The following HDLBP variants were observed in gnomAD, a reference collection of about 807,000 sequenced individuals.
HDLBP encodes the protein high density lipoprotein binding protein.
In HDLBP, 30 loss-of-function variants were observed where a neutral mutation model predicts 137.3. The ratio of observed to expected loss-of-function variants is 0.22; its 90% confidence interval spans 0.16 to 0.30. HDLBP has a LOEUF of 0.30. HDLBP is among the 10% of genes least tolerant of loss of function. The pLI is 1.00. For synonymous variants in HDLBP, 606 were observed against 596.0 expected (o/e 1.02, Z -0.24); for missense variants, 1,119 against 1,667.3 (o/e 0.67, Z 5.73).
At chr2:241,244,396 G>A (rs1441328947) in intron 16 of HDLBP, among the ~76,000 whole-genome samples, 1 of 152,180 alleles carries the variant, frequency 6.6e-6, no homozygotes, top group Non-Finnish European at 1.5e-5. Flanking sequence ...ACTACACAGA[G>A]ACACATCCTA....
chr2:241,243,355 G>C (rs1286661890), intron 16 of HDLBP, among the ~76,000 whole-genome samples: 2 of 152,252 alleles, frequency 1.3e-5, no homozygotes, highest in African/African-American at 2.4e-5. Flanking sequence ...TCCCCAGAAG[G>C]ATCACAGGAA....
At chr2:241,251,608 C>A (rs1451429570) in intron 11 of HDLBP, among the ~76,000 whole-genome samples, 1 of 152,238 alleles carries the variant, frequency 6.6e-6, no homozygotes, top group African/African-American at 2.4e-5. Flanking sequence ...AGGTAACACA[C>A]GCGACGTGTG....
intron 2 of HDLBP, 63 bp downstream of exon 2, chr2:241,268,414 C>A: frequency 1.0e-6 from 1 of 963,478 alleles, no homozygotes; most frequent in Non-Finnish European, 1.2e-6. Flanking sequence ...AATACGCATC[C>A]CTGCGCCCCC....
At chr2:241,282,616 C>T (rs1442443916) in intron 1 of HDLBP, among the ~76,000 whole-genome samples, 3 of 152,236 alleles carry the variant, frequency 2.0e-5, no homozygotes. Flanking sequence ...TCTTTTCCAA[C>T]AGCACATTTT....
chr2:241,307,097 G>A (rs4497871), intron 1 of HDLBP, among the ~76,000 whole-genome samples: 39 of 151,500 alleles, frequency 2.6e-4, no homozygotes, highest in African/African-American at 9.5e-4. Context: ...CAGGGGGGCA[G>A]TGTCATCCTA....
intron 1 of HDLBP, among the ~76,000 whole-genome samples, chr2:241,302,308 C>T (rs893630813): frequency 6.6e-6 from 1 of 152,096 alleles, no homozygotes; most frequent in African/African-American, 2.4e-5. Flanking sequence ...AATCCCAGCA[C>T]TTTGCACTTT....
At chr2:241,277,969 A>C (rs565956241) in intron 1 of HDLBP, among the ~76,000 whole-genome samples, 41 of 152,270 alleles carry the variant, frequency 2.7e-4, no homozygotes, top group African/African-American at 9.1e-4. Context: ...CTCAAAAAAA[A>C]CCAAAAAACA....
chr2:241,246,263 A>G (rs2071667006), intron 16 of HDLBP, among the ~76,000 whole-genome samples: 1 of 148,126 alleles, frequency 6.8e-6, no homozygotes, highest in Non-Finnish European at 1.5e-5. Flanking sequence ...GCCTGGGGAT[A>G]GAAGTGGGGG....
At chr2:241,282,650 C>A (rs992004128) in intron 1 of HDLBP, among the ~76,000 whole-genome samples, 2 of 152,158 alleles carry the variant, frequency 1.3e-5, no homozygotes, top group Admixed American at 1.3e-4. Flanking sequence ...ATATTTCAAA[C>A]GTTTTCATTG....
chr2:241,313,171 CAT>C (rs2149733262), intron 1 of HDLBP, among the ~76,000 whole-genome samples: 1 of 152,338 alleles, frequency 6.6e-6, no homozygotes, highest in East Asian at 1.9e-4. Context: ...ACACCTTACA[CAT>C]ATTTCTATCA....
Position 241,314,436 on chromosome 2 carries a change from T to A in HDLBP, c.-103+1134A>T, listed in dbSNP as rs150619510. 2.9e-3 allele frequency among the ~76,000 whole-genome samples: 448 copies of A among 152,266 alleles called. 1 individual carries two copies. Among genetic ancestry groups the A allele is most frequent in the Non-Finnish European group, 4.9e-3 (335 of 68,022 alleles). ...AAGTTAGCTGCTAAGAAAGTGACTA[T>A]CCTTAAGCAGACACCAAATAAATGT... is the stretch of plus-strand genomic sequence containing the variant. On this transcript the variant is annotated intron_variant, in intron 1 of 27. Transcript: ENST00000310931.
intron 11 of HDLBP, 29 bp from the exon 12 acceptor site, chr2:241,250,009 G>T (rs78739204): frequency 0.016 from 25,583 of 1,580,242 alleles, 260 homozygotes; most frequent in Non-Finnish European, 0.019. Flanking sequence ...AACACATTTA[G>T]GACACAGACC....
chr2:241,287,851 CA>C (rs1336305394), intron 1 of HDLBP, among the ~76,000 whole-genome samples: 2 of 152,206 alleles, frequency 1.3e-5, no homozygotes, highest in African/African-American at 4.8e-5. Context: ...GTCCAGAGCC[CA>C]GTCCTCAACA....
chr2:241,229,928 C>G lies in HDLBP; in HGVS notation c.3625G>C (p.Val1209Leu). The change falls in exon 27 of 28, where the codon GTA becomes CTA. Residue 1209 changes from valine to leucine, a missense_variant. By Grantham distance (32) the Val-to-Leu change is conservative. Transcript: ENST00000310931. ...ADVVDSEALQ[V>L]YMKPPAHEEA... ...TCGTGTGCTGGGGGTTTCATGTATACCTGCAGCGCCTCACTGTCCACCACG... is the reference window on the plus strand; with the variant it reads ...TCGTGTGCTGGGGGTTTCATGTATAGCTGCAGCGCCTCACTGTCCACCACG... 1 of 1,604,080 alleles carries G rather than the reference C, an allele frequency of 6.2e-7. No homozygotes were observed. The highest frequency in any genetic ancestry group is 8.5e-7 in the Non-Finnish European group (1 of 1,174,882).
At position 241,272,078 on chromosome 2, in the gene HDLBP, C is replaced by T. The variant is rs2074089673; in HGVS notation, c.-102-3537G>A. 5.4e-6 allele frequency: 3 copies of T among 555,208 alleles called. No individual in the cohort carries two copies. Among genetic ancestry groups the T allele is most frequent in the African/African-American group, 2.0e-5 (1 of 49,136 alleles). The allele number at this position is 555,208 out of a possible 1,614,324, so 34.4% of individuals were successfully genotyped here. On this transcript the variant is annotated intron_variant, in intron 1 of 27. Coordinates refer to ENST00000310931, the MANE Select transcript of HDLBP (RefSeq NM_005336.6). This position sits in a 1 kb window ranked among gnomAD's most constrained non-coding sequence, Gnocchi z 5.6. ...CTTTCATCCAAATTCGGTACTTTTC[C>T]GTAATGTATTTTTCATCCACGACCC... is the stretch of plus-strand genomic sequence containing the variant.
chr2:241,232,188 G>A (rs1488176345), intron 24 of HDLBP, among the ~76,000 whole-genome samples: 2 of 152,116 alleles, frequency 1.3e-5, no homozygotes, highest in Non-Finnish European at 2.9e-5. Context: ...ACAGCTCACA[G>A]GAAAAAGCTG....
chr2:241,284,144 G>GC (rs1007119875), intron 1 of HDLBP, among the ~76,000 whole-genome samples: 2 of 152,190 alleles, frequency 1.3e-5, no homozygotes, highest in African/African-American at 4.8e-5. Context: ...CCTGCTAACA[G>GC]CCATTCTGCA....
chr2:241,306,967 T>C (rs1273176889), intron 1 of HDLBP, among the ~76,000 whole-genome samples: 3 of 57,656 alleles, frequency 5.2e-5, no homozygotes, highest in Non-Finnish European at 9.0e-5. Context: ...GCTCTGAACC[T>C]ATTCAAAAAA....
intron 1 of HDLBP, chr2:241,273,180 G>A (rs551243834): frequency 2.7e-5 from 27 of 985,370 alleles, no homozygotes; most frequent in Non-Finnish European, 3.3e-5. Context: ...AAACCTCAAA[G>A]GATGCCCACC....
Sources: allele counts gnomAD v4.1 joint callset (sites outside exome capture counted in the v4.1 genomes callset), GRCh38; gene constraint gnomAD v4.1.1; non-coding constraint Gnocchi (gnomAD v3.1); transcripts MANE v1.5; gene names NCBI Gene and HGNC (gene_info 2026-07-23, HGNC 2026-07-21).